The following ERP27 variants were observed in gnomAD, a reference collection of about 807,000 sequenced individuals.
ERP27 encodes endoplasmic reticulum resident protein 27.
In ERP27, 23 loss-of-function variants were observed where a neutral mutation model predicts 27.7. The observed-to-expected ratio is 0.83, with a 90% CI of 0.60 to 1.18. The LOEUF is 1.18. Ranked by LOEUF, ERP27 falls within the 50% of genes most tolerant of loss-of-function variation. ERP27 has a pLI of 0.00. For synonymous variants in ERP27, 159 were observed against 118.3 expected, an observed-to-expected ratio of 1.34 and a Z score of -2.23; for missense variants, 363 against 327.9, an observed-to-expected ratio of 1.11 and a Z score of -0.83.
At chr12:14,918,992 G>A (rs887644793) in intron 4 of ERP27, among the ~76,000 whole-genome samples, 4 of 152,198 alleles carry the variant, frequency 2.6e-5, no homozygotes, top group Non-Finnish European at 5.9e-5. Context: ...TATCTTGGCA[G>A]AAGGGATTGA....
At chr12:14,929,311 G>C (rs758983286) in intron 3 of ERP27, among the ~76,000 whole-genome samples, 17 of 152,260 alleles carry the variant, frequency 1.1e-4, no homozygotes, top group Middle Eastern at 3.4e-3. Context: ...TTTAATAAAA[G>C]CCACTCTCCT....
At chr12:14,916,802 C>G (rs931992446) in intron 5 of ERP27, among the ~76,000 whole-genome samples, 3 of 152,034 alleles carry the variant, frequency 2.0e-5, no homozygotes, top group Non-Finnish European at 4.4e-5. Context: ...GCACCAGGTA[C>G]TTGATAGGTG....
intron 5 of ERP27, 187 bp from the exon 6 acceptor site, chr12:14,915,873 G>C (rs1863403137): frequency 4.9e-6 from 3 of 607,516 alleles, no homozygotes; most frequent in South Asian, 4.3e-5. Context: ...TTGTGGGAAC[G>C]TGGATGGGGC....
chr12:14,923,477 T>TACCTATA (rs1304020764), intron 3 of ERP27, among the ~76,000 whole-genome samples: 1 of 144,416 alleles, frequency 6.9e-6, no homozygotes, highest in African/African-American at 2.7e-5. Context: ...ATATAATATC[T>TACCTATA]ATCTATCTAT....
intron 5 of ERP27, among the ~76,000 whole-genome samples, chr12:14,916,234 T>C (rs147007224): frequency 1.1e-3 from 170 of 152,280 alleles, no homozygotes; most frequent in Non-Finnish European, 2.1e-3. Context: ...TTTGACGAGA[T>C]TGATTTAATT....
rs73300949 is a variant in ERP27, at chr12:14,921,828, C to T, written c.334-780G>A. 4.8e-3 allele frequency among the ~76,000 whole-genome samples: 731 copies of T among 152,068 alleles called. 4 individuals are homozygous for T. Among genetic ancestry groups the T allele is most frequent in the African/African-American group, 0.017 (703 of 41,496 alleles). ...AAAGGTATGCTGACTTTTATGTTGA[C>T]CATTTTCATCCTTTCCTTTATACCT... On this transcript the variant is annotated intron_variant, in intron 3 of 6. Transcript: ENST00000266397.
In ERP27 at chr12:14,934,719, A is replaced by G. The variant is rs116140513; in HGVS notation, c.333+137T>C. The G allele has an allele frequency of 3.9e-4, 428 of 1,087,082 alleles. 4 individuals are homozygous for G. In the African/African-American group the frequency reaches 6.0e-3, roughly 15 times the overall value. 67.3% of individuals were successfully genotyped at this position (1,087,082 alleles called of 1,614,324 possible). ...TTTGGGAAGCTTGAATTGAGTCATC[A>G]TCCTTGTCAACAATGTCCCTGAATT... is the stretch of plus-strand genomic sequence containing the variant. On this transcript the variant is annotated intron_variant, in intron 3 of 6. Coordinates refer to ENST00000266397, the MANE Select transcript of ERP27 (RefSeq NM_152321.4).
chr12:14,924,031 T>C (rs2120578056), intron 3 of ERP27, among the ~76,000 whole-genome samples: 1 of 152,188 alleles, frequency 6.6e-6, no homozygotes. Flanking sequence ...CATCACCACT[T>C]CCCCCTCCGC....
At position 14,938,053 on chromosome 12, in the gene ERP27, C is replaced by T. The variant is rs770430814; in HGVS notation, c.95-1G>A. ...GGTTCCTGGGCAGCACCAGGACCATCTAGAGAGAGAAGCAGAAGATGTCAG... is the reference window on the plus strand; with the variant it reads ...GGTTCCTGGGCAGCACCAGGACCATTTAGAGAGAGAAGCAGAAGATGTCAG... On this transcript the variant is annotated splice_acceptor_variant, in intron 1 of 6. Coordinates refer to ENST00000266397, the MANE Select transcript of ERP27 (RefSeq NM_152321.4). LOFTEE classifies it high-confidence loss of function. The T allele has an allele frequency of 6.2e-7, 1 of 1,613,270 alleles. No individual in the cohort carries two copies. The highest frequency in any genetic ancestry group is 1.1e-5 in the South Asian group (1 of 91,042).
At chr12:14,934,806 A>G (rs2120624240) in intron 3 of ERP27, 50 bp downstream of exon 3, 1 of 1,611,194 alleles carries the variant, frequency 6.2e-7, no homozygotes, top group Non-Finnish European at 8.5e-7. Context: ...TTATGAGTCC[A>G]CAACCCAGTG....
intron 6 of ERP27, among the ~76,000 whole-genome samples, 190 bp downstream of exon 6, chr12:14,915,299 A>G (rs973860799): frequency 3.3e-5 from 5 of 152,142 alleles, no homozygotes; most frequent in Non-Finnish European, 7.4e-5. Flanking sequence ...TATATAATAC[A>G]TTGTTCTTAA....
intron 3 of ERP27, among the ~76,000 whole-genome samples, chr12:14,924,745 T>C (rs1178518437): frequency 1.3e-5 from 2 of 152,322 alleles, no homozygotes; most frequent in East Asian, 3.9e-4. Flanking sequence ...AAAAATGAGC[T>C]GAGACCTACT....
intron 3 of ERP27, among the ~76,000 whole-genome samples, chr12:14,925,277 C>A (rs1863583423): frequency 6.6e-6 from 1 of 152,160 alleles, no homozygotes; most frequent in Non-Finnish European, 1.5e-5. Context: ...TGAGGAAACC[C>A]CCTGACCCAA....
chr12:14,919,948 C>CA (rs143481894), intron 4 of ERP27, among the ~76,000 whole-genome samples: 3,337 of 151,726 alleles, frequency 0.022, 185 homozygotes, highest in East Asian at 0.21. Flanking sequence ...TCTTCTACCT[C>CA]AAAAAAAATC....
chr12:14,917,185 T>G lies in ERP27; in HGVS notation c.569A>C (p.Gln190Pro). The change falls in exon 5 of 7, where the codon CAG becomes CCG. Residue 190 changes from glutamine to proline, a missense_variant. Coordinates refer to ENST00000266397, the MANE Select transcript of ERP27 (RefSeq NM_152321.4). ...TTCCCATTCTTGCCTTACCTTCCCC[T>G]GGAAGAGCTTGGCTGCCTTCTGGTA... ...HRYQKAAKLF[Q>P]GKILFILVDS... 1 of 1,614,148 alleles carries G rather than the reference T, an allele frequency of 6.2e-7. No individual in the cohort carries two copies. The highest frequency in any genetic ancestry group is 1.3e-5 in the African/African-American group (1 of 75,056).
rs1261122250 is a variant in ERP27, at chr12:14,914,226, G to C, written c.*509C>G. ...TGTTTAAAACCATCCTTTGGTTTTT[G>C]ATCCTGAGTCAGAGACGGACATGTG... is the stretch of plus-strand genomic sequence containing the variant. On this transcript the variant is annotated 3_prime_UTR_variant, in exon 7 of 7. Transcript: ENST00000266397. 6.6e-6 allele frequency: 1 copy of C among 152,652 alleles called. No individual in the cohort carries two copies. The highest frequency in any genetic ancestry group is 1.9e-4 in the East Asian group (1 of 5,202). The allele number at this position is 152,652 out of a possible 1,614,324, so 9.5% of individuals were successfully genotyped here.
chr12:14,923,009 G>A (rs139248389), intron 3 of ERP27, among the ~76,000 whole-genome samples: 1 of 151,714 alleles, frequency 6.6e-6, no homozygotes, highest in Non-Finnish European at 1.5e-5. Flanking sequence ...GTGGAGGGGA[G>A]GTTGCAGTGA....
chr12:14,917,752 C>A (rs989395722), intron 4 of ERP27, among the ~76,000 whole-genome samples: 6 of 152,168 alleles, frequency 3.9e-5, no homozygotes, highest in Non-Finnish European at 8.8e-5. Flanking sequence ...GGAAGCAGAT[C>A]CCCAGCTCCA....
chr12:14,933,081 C>A (rs1441903717), intron 3 of ERP27, among the ~76,000 whole-genome samples: 1 of 152,140 alleles, frequency 6.6e-6, no homozygotes, highest in Non-Finnish European at 1.5e-5. Flanking sequence ...CATATTCATT[C>A]ATTCATTCAT....
Sources: gnomAD v4.1 joint callset for allele counts (sites outside exome capture counted in the v4.1 genomes callset) on GRCh38, gnomAD v4.1.1 for gene constraint, MANE v1.5 for transcripts, NCBI Gene and HGNC (gene_info 2026-07-23, HGNC 2026-07-21) for gene names.